Variants in GTF2IRD2B observed in about 807,000 individuals in gnomAD.
GTF2IRD2B encodes the protein general transcription factor II-I repeat domain-containing protein 2B.
GTF2IRD2B carries 10 observed loss-of-function variants against 55.6 expected under a neutral mutation model. That is an observed-to-expected ratio of 0.18 (90% CI 0.11 to 0.31). GTF2IRD2B has a LOEUF of 0.31. Ranked by LOEUF, GTF2IRD2B falls within the 10% of genes least tolerant of loss-of-function variation. The probability of loss-of-function intolerance (pLI) is 1.00; values close to 1 mark genes in which losing one functional copy is unlikely to be tolerated. For missense variants in GTF2IRD2B, 206 were observed against 802.7 expected (o/e 0.26, Z 8.98); for synonymous variants, 107 against 320.5 (o/e 0.33, Z 7.12).
chr7:75,104,804 G>A (rs1158454157), intron 1 of GTF2IRD2B, among the ~76,000 whole-genome samples: 2 of 152,394 alleles, frequency 1.3e-5, no homozygotes, highest in East Asian at 1.9e-4. Flanking sequence ...GCTGGATGCC[G>A]CTTTTGCTAC....
chr7:75,136,259 T>G lies in GTF2IRD2B; in HGVS notation c.806-526T>G, dbSNP rs1207170682. 7.3e-4 allele frequency among the ~76,000 whole-genome samples: 103 copies of G among 141,780 alleles called. 1 individual carries two copies. Among genetic ancestry groups the G allele is most frequent in the African/African-American group, 2.8e-3 (100 of 35,476 alleles). The allele number at this position is 141,780 out of a possible 152,430, so 93.0% of individuals were successfully genotyped here. ...TTACTTTTAGTTGTATATATCTGCC[T>G]TAGAGAGATAGTGACACATGGACTA... On this transcript the variant is annotated intron_variant, in intron 10 of 15. Coordinates refer to ENST00000472837, the MANE Select transcript of GTF2IRD2B (RefSeq NM_001003795.3).
chr7:75,109,220 T>C (rs1807887220), intron 2 of GTF2IRD2B, among the ~76,000 whole-genome samples, 157 bp downstream of exon 2: 1 of 144,372 alleles, frequency 6.9e-6, no homozygotes, highest in African/African-American at 2.4e-5. Flanking sequence ...AGTGGCACAA[T>C]CTCAGCTCAC....
In GTF2IRD2B at chr7:75,149,607, A is replaced by G; in HGVS notation, c.*310A>G. 1 of 356,012 alleles carries G rather than the reference A, an allele frequency of 2.8e-6. No individual in the cohort carries two copies. 22.1% of individuals were successfully genotyped at this position (356,012 alleles called of 1,614,324 possible). A position where few individuals can be genotyped will look rare whatever the true frequency, so the allele number is the denominator to read the frequency against. Reference sequence around the variant, plus strand: ...TGGCCAGGCTGGTCTCCAACTCCTGACCTCAGGTGATCCACCTGCCTCGAC... The same window carrying G: ...TGGCCAGGCTGGTCTCCAACTCCTGGCCTCAGGTGATCCACCTGCCTCGAC... On this transcript the variant is annotated 3_prime_UTR_variant, in exon 16 of 16. Coordinates refer to ENST00000472837, the MANE Select transcript of GTF2IRD2B (RefSeq NM_001003795.3).
At position 75,145,731 on chromosome 7, in the gene GTF2IRD2B, CAA is replaced by C. The variant is rs1239787118; in HGVS notation, c.1246+1769_1246+1770del. ...TTGGTGACAGAGCAAGACTCTGTCT[CAA>C]AAAAAAAAAAAAAAAGAAAAGAAAA... is the stretch of plus-strand genomic sequence containing the variant. On this transcript the variant is annotated intron_variant, in intron 15 of 15. Coordinates refer to ENST00000472837, the MANE Select transcript of GTF2IRD2B (RefSeq NM_001003795.3). Among the ~76,000 whole-genome samples the C allele has an allele frequency of 7.7e-3, 644 of 83,710 alleles. 8 individuals carry two copies. The highest frequency in any genetic ancestry group is 0.021 in the African/African-American group (483 of 22,852). 54.9% of individuals were successfully genotyped at this position (83,710 alleles called of 152,430 possible). A position where few individuals can be genotyped will look rare whatever the true frequency, so the allele number is the denominator to read the frequency against.
chr7:75,117,890 C>T (rs1394414776), intron 3 of GTF2IRD2B, among the ~76,000 whole-genome samples: 2 of 152,248 alleles, frequency 1.3e-5, no homozygotes, highest in Admixed American at 1.3e-4. Flanking sequence ...TGAAACCAGC[C>T]TGGCCAACAT....
intron 1 of GTF2IRD2B, among the ~76,000 whole-genome samples, chr7:75,105,424 A>T (rs1161052502): frequency 6.4e-4 from 98 of 152,382 alleles, no homozygotes; most frequent in African/African-American, 2.2e-3. Flanking sequence ...GAATCGCTCG[A>T]ACCCAGGAGG....
intron 4 of GTF2IRD2B, among the ~76,000 whole-genome samples, chr7:75,122,825 A>G (rs1163825340): frequency 1.3e-5 from 2 of 150,264 alleles, no homozygotes; most frequent in African/African-American, 4.9e-5. Flanking sequence ...AGGTGGGTAG[A>G]TCGCCTGAGC....
intron 4 of GTF2IRD2B, among the ~76,000 whole-genome samples, chr7:75,121,314 C>T (rs1347992152): frequency 4.1e-4 from 62 of 150,264 alleles, no homozygotes; most frequent in East Asian, 2.2e-3. Context: ...GGATTATAGG[C>T]GTGAACCACC....
At chr7:75,102,782 A>AC (rs879965572) in intron 1 of GTF2IRD2B, among the ~76,000 whole-genome samples, 210 of 151,722 alleles carry the variant, frequency 1.4e-3, no homozygotes, top group African/African-American at 3.4e-3. Flanking sequence ...ACATGATGAA[A>AC]CCCCATCTCT....
At chr7:75,114,035 T>C (rs1296556867) in intron 3 of GTF2IRD2B, among the ~76,000 whole-genome samples, 1 of 148,972 alleles carries the variant, frequency 6.7e-6, no homozygotes, top group Non-Finnish European at 1.5e-5. Flanking sequence ...GATGGATGGA[T>C]AGATAAGGGA....
At chr7:75,139,741 AG>A (rs1808960998) in intron 12 of GTF2IRD2B, among the ~76,000 whole-genome samples, 1 of 89,282 alleles carries the variant, frequency 1.1e-5, no homozygotes, top group Non-Finnish European at 2.1e-5. Context: ...CCTCCAGGGA[AG>A]GAAACTGACC....
intron 3 of GTF2IRD2B, among the ~76,000 whole-genome samples, chr7:75,117,988 C>T (rs1272814060): frequency 2.1e-5 from 3 of 141,206 alleles, no homozygotes; most frequent in African/African-American, 8.1e-5. Flanking sequence ...GAGGCTGAGG[C>T]AGGAGAATCA....
intron 6 of GTF2IRD2B, chr7:75,123,979 A>G: frequency 4.3e-6 from 1 of 231,324 alleles, no homozygotes; most frequent in South Asian, 5.6e-5. Context: ...CTAGGAAACA[A>G]ACCTGCACAT....
chr7:75,127,491 AAGAGAG>A (rs1190391259), intron 8 of GTF2IRD2B, among the ~76,000 whole-genome samples: 41 of 144,628 alleles, frequency 2.8e-4, no homozygotes, highest in African/African-American at 9.0e-4. Flanking sequence ...AAAAAAAAAA[AAGAGAG>A]AGAGAGAGAG....
Position 75,149,293 on chromosome 7 carries a change from C to A in GTF2IRD2B, c.2846C>A (p.Thr949Lys), listed in dbSNP as rs781855115. The A allele has an allele frequency of 1.3e-6, 1 of 756,164 alleles. No individual in the cohort carries two copies. The highest frequency in any genetic ancestry group is 1.8e-5 in the African/African-American group (1 of 56,902). 46.8% of individuals were successfully genotyped at this position (756,164 alleles called of 1,614,324 possible). The change falls in exon 16 of 16, where the codon ACG becomes AAG. Residue 949 changes from threonine to lysine, a missense_variant. Coordinates refer to ENST00000472837, the MANE Select transcript of GTF2IRD2B (RefSeq NM_001003795.3). Reference protein sequence around the residue: ...SQWDSVLHIAT With the variant: ...SQWDSVLHIAK The stretch of plus-strand genomic sequence containing the variant: ...TGGGATTCTGTACTCCACATCGCAA[C>A]GTGATGGAGAGAAAACTCCTGGCAG...
chr7:75,103,020 G>A (rs1343918891), intron 1 of GTF2IRD2B, among the ~76,000 whole-genome samples: 2 of 150,530 alleles, frequency 1.3e-5, no homozygotes, highest in East Asian at 1.9e-4. Context: ...GCTCACGCCT[G>A]TAGTCCCAGC....
At chr7:75,135,256 C>T (rs1554453415) in intron 10 of GTF2IRD2B, among the ~76,000 whole-genome samples, 199 bp downstream of exon 10, 2 of 149,056 alleles carry the variant, frequency 1.3e-5, no homozygotes, top group African/African-American at 5.0e-5. Context: ...GCCTCAGCCT[C>T]CTGAGTAGCT....
chr7:75,117,755 A>G (rs1192810243), intron 3 of GTF2IRD2B, among the ~76,000 whole-genome samples: 2 of 152,294 alleles, frequency 1.3e-5, no homozygotes. Flanking sequence ...ACATTTTTAC[A>G]TTGGCCTTTT....
At chr7:75,146,962 G>A (rs1412662425) in intron 15 of GTF2IRD2B, 2 of 155,826 alleles carry the variant, frequency 1.3e-5, no homozygotes, top group Non-Finnish European at 2.8e-5. Flanking sequence ...AAGAAAAAAA[G>A]AAAAGAAAGA....
Sources: gnomAD v4.1 joint callset for allele counts (sites outside exome capture counted in the v4.1 genomes callset) on GRCh38, gnomAD v4.1.1 for gene constraint, MANE v1.5 for transcripts, NCBI Gene and HGNC (gene_info 2026-07-23, HGNC 2026-07-21) for gene names.